UGT3A1: variants seen among roughly 807,000 people sequenced by gnomAD.
The protein encoded by UGT3A1 is UDP-glycosyltransferase 3A1.
In UGT3A1, 40 loss-of-function variants were observed where a neutral mutation model predicts 37.6. The ratio of observed to expected loss-of-function variants is 1.06; its 90% confidence interval spans 0.83 to 1.38. The LOEUF (loss-of-function observed/expected upper bound fraction) is 1.38, where lower values mean the gene tolerates loss of function less well. UGT3A1 is among the 40% of genes most tolerant of loss of function. UGT3A1 has a pLI of 0.00. For missense variants in UGT3A1, 642 were observed against 634.2 expected (o/e 1.01, Z -0.13); for synonymous variants, 256 against 232.3 (o/e 1.10, Z -0.93).
intron 4 of UGT3A1, among the ~76,000 whole-genome samples, chr5:35,959,254 G>C (rs140006819): frequency 6.6e-6 from 1 of 152,250 alleles, no homozygotes; most frequent in Non-Finnish European, 1.5e-5. Context: ...GTAACTAATT[G>C]TTCAAATGTC....
At position 35,957,183 on chromosome 5, in the gene UGT3A1, C is replaced by T. The variant is rs1739387330; in HGVS notation, c.1075+5G>A. The T allele has an allele frequency of 6.2e-7, 1 of 1,613,552 alleles. No homozygotes were observed. Among genetic ancestry groups the T allele is most frequent in the South Asian group, 1.1e-5 (1 of 91,058 alleles). ...AAGAGAAGAGCAGACCTAAGCAGTC[C>T]TTACCCAGGAGGTCACTCTGAGGAA... is the stretch of plus-strand genomic sequence containing the variant. On this transcript the variant is annotated splice_donor_5th_base_variant and intron_variant, in intron 5 of 6. Transcript: ENST00000274278.
intron 2 of UGT3A1, among the ~76,000 whole-genome samples, chr5:35,977,022 GAGAAAGAA>G (rs200304840): frequency 1.4e-5 from 2 of 142,720 alleles, no homozygotes. Context: ...GAAAAAGAGA[GAGAAAGAA>G]AGAAAGAGAG....
exon 2 of UGT3A1, chr5:35,997,252 C>T (rs762866909): frequency 2.5e-4 from 38 of 152,182 alleles, no homozygotes; most frequent in Non-Finnish European, 2.6e-4. Flanking sequence ...GCCAGTATTT[C>T]TCAGTTGTGG....
At chr5:35,972,342 C>CA (rs1175487929) in intron 2 of UGT3A1, among the ~76,000 whole-genome samples, 2 of 151,898 alleles carry the variant, frequency 1.3e-5, no homozygotes, top group Admixed American at 1.3e-4. Context: ...AACAAACAAA[C>CA]AAAAAACTCT....
chr5:35,951,855 GT>G lies in UGT3A1; in HGVS notation c.*2346del, dbSNP rs1471997336. 2 of 152,098 alleles carry G rather than the reference GT, an allele frequency of 1.3e-5. No homozygotes were observed. Among genetic ancestry groups the G allele is most frequent in the Non-Finnish European group, 2.9e-5 (2 of 68,014 alleles). 9.4% of individuals were successfully genotyped at this position (152,098 alleles called of 1,614,324 possible). ...TAGATATCTGGTGTATAGGAATTCA[GT>G]TTTTGATATAGTGTGAAGTCTGGAT... is the stretch of plus-strand genomic sequence containing the variant. On this transcript the variant is annotated 3_prime_UTR_variant, in exon 7 of 7. Transcript: ENST00000274278.
chr5:35,998,747 T>C (rs892569971), intron 1 of UGT3A1, among the ~76,000 whole-genome samples: 1 of 152,220 alleles, frequency 6.6e-6, no homozygotes, highest in Non-Finnish European at 1.5e-5. Flanking sequence ...TGGAGGTAAT[T>C]GAAGCCGGTC....
upstream of UGT3A1, among the ~76,000 whole-genome samples, chr5:35,991,938 A>C (rs1247454723): frequency 1.3e-5 from 2 of 152,226 alleles, no homozygotes; most frequent in East Asian, 3.9e-4. Flanking sequence ...TGTGTATCAT[A>C]AAATAGAACT....
chr5:35,954,800 T>C (rs1439248383), intron 6 of UGT3A1: 3 of 296,580 alleles, frequency 1.0e-5, no homozygotes, highest in Non-Finnish European at 1.9e-5. Context: ...TATATGACCA[T>C]ATATGAGAGA....
intron 2 of UGT3A1, among the ~76,000 whole-genome samples, chr5:35,971,816 G>T (rs1740051694): frequency 6.6e-6 from 1 of 152,104 alleles, no homozygotes; most frequent in Non-Finnish European, 1.5e-5. Flanking sequence ...GCTAAGTTCT[G>T]GCCAAATGTG....
upstream of UGT3A1, among the ~76,000 whole-genome samples, chr5:35,995,888 C>T (rs922910115): frequency 6.6e-6 from 1 of 152,032 alleles, no homozygotes; most frequent in Admixed American, 6.6e-5. Context: ...AAAAATAATA[C>T]ATTATAAAAT....
At chr5:35,980,586 C>T (rs140408432) in intron 2 of UGT3A1, among the ~76,000 whole-genome samples, 1 of 152,170 alleles carries the variant, frequency 6.6e-6, no homozygotes, top group South Asian at 2.1e-4. Context: ...GAATAATACC[C>T]AGACATCATA....
upstream of UGT3A1, among the ~76,000 whole-genome samples, chr5:35,993,806 T>C (rs73076183): frequency 1.8e-3 from 272 of 152,308 alleles, no homozygotes; most frequent in African/African-American, 5.1e-3. Context: ...CCCAAACCAA[T>C]AGGACAATTT....
intron 4 of UGT3A1, among the ~76,000 whole-genome samples, chr5:35,958,819 A>G (rs1018653110): frequency 8.5e-5 from 13 of 152,218 alleles, no homozygotes; most frequent in African/African-American, 3.1e-4. Flanking sequence ...AATAGAAACT[A>G]TTTACAACAT....
intron 4 of UGT3A1, chr5:35,963,076 C>G: frequency 3.2e-6 from 2 of 626,080 alleles, no homozygotes; most frequent in Non-Finnish European, 2.9e-6. Context: ...GTCCTGGCAA[C>G]TTTATGGATG....
rs751029774 is a variant in UGT3A1, at chr5:35,965,680, A to G, written c.549T>C (p.Tyr183=). 39 of 1,614,122 alleles carry G rather than the reference A, an allele frequency of 2.4e-5. 1 individual carries two copies. In the South Asian group the frequency reaches 3.3e-4, roughly 14 times the overall value. ...TCAGCAAGGAAGGGAATACTGGAAC[A>G]TAAGACAAGGGGCTTGGTAGCCCAA... ...LDFGLPSPLS[Y]VPVFPSLLTD... is the part of the protein sequence containing the mutation. Residue 183 remains tyrosine, a synonymous_variant, in exon 4 of 7, where the codon TAT becomes TAC. Coordinates refer to ENST00000274278, the MANE Select transcript of UGT3A1 (RefSeq NM_152404.4).
At chr5:35,964,257 A>C (rs564178451) in intron 4 of UGT3A1, among the ~76,000 whole-genome samples, 3 of 151,980 alleles carry the variant, frequency 2.0e-5, no homozygotes, top group Admixed American at 6.6e-5. Flanking sequence ...GACCTGACCC[A>C]CCCTCCTGGT....
chr5:35,954,620 G>C (rs1030032520), intron 6 of UGT3A1, 142 bp from the exon 7 acceptor site: 2 of 1,030,632 alleles, frequency 1.9e-6, no homozygotes, highest in Admixed American at 2.7e-5. Context: ...AAATTTGTTG[G>C]CATGGCCTTG....
intron 2 of UGT3A1, among the ~76,000 whole-genome samples, chr5:35,969,701 A>C (rs1459873307): frequency 6.6e-6 from 1 of 152,196 alleles, no homozygotes; most frequent in Non-Finnish European, 1.5e-5. Flanking sequence ...GTTCTAGATT[A>C]ACATCAGATC....
At chr5:35,993,881 G>A (rs1741027133), upstream of UGT3A1, among the ~76,000 whole-genome samples, 1 of 150,290 alleles carries the variant, frequency 6.7e-6, no homozygotes, top group South Asian at 2.2e-4. Flanking sequence ...AGGGATCTAG[G>A]AGTCTGAGGT....
Sources: allele counts gnomAD v4.1 joint callset (sites outside exome capture counted in the v4.1 genomes callset), GRCh38; gene constraint gnomAD v4.1.1; transcripts MANE v1.5; gene names NCBI Gene and HGNC (gene_info 2026-07-23, HGNC 2026-07-21).